The following KANSL3 variants were observed in gnomAD, a reference collection of about 807,000 sequenced individuals.
The protein encoded by KANSL3 is NSL complex protein NSL3.
Under a neutral mutation model 89.2 loss-of-function variants are expected in KANSL3, and 16 were observed. The observed-to-expected ratio is 0.18, with a 90% confidence interval of 0.12 to 0.27. KANSL3 has a LOEUF of 0.27. Ranked by LOEUF, KANSL3 falls within the 10% of genes least tolerant of loss-of-function variation. KANSL3 has a pLI of 1.00. For synonymous variants in KANSL3, 385 were observed against 419.7 expected, an observed-to-expected ratio of 0.92 and a Z score of 1.01; for missense variants, 879 against 1,110.6, an observed-to-expected ratio of 0.79 and a Z score of 2.96.
downstream of KANSL3, among the ~76,000 whole-genome samples, chr2:96,590,291 GTTTC>G (rs1015119565): frequency 1.1e-4 from 17 of 151,956 alleles, no homozygotes; most frequent in African/African-American, 3.4e-4. Context: ...AACAGTGGCA[GTTTC>G]TTTTTTTTTT....
At position 96,611,364 on chromosome 2, in the gene KANSL3, C is replaced by T. The variant is rs186016576; in HGVS notation, c.1087-226G>A. ...CTAGAGAACTGGGGCCCTAAGAGGA[C>T]CCCAGCAGGTGGCTGAACCATAGGA... On this transcript the variant is annotated intron_variant, in intron 9 of 20. Transcript: ENST00000431828. Among the ~76,000 whole-genome samples the T allele has an allele frequency of 5.9e-5, 9 of 152,278 alleles. No homozygotes were observed. The East Asian group carries it at 1.7e-3, about 29-fold the overall frequency.
At chr2:96,618,544 G>A (rs2070658837) in intron 5 of KANSL3, among the ~76,000 whole-genome samples, 1 of 152,170 alleles carries the variant, frequency 6.6e-6, no homozygotes, top group Non-Finnish European at 1.5e-5. Flanking sequence ...GAACCTATGA[G>A]GGTACTACTT....
intron 9 of KANSL3, among the ~76,000 whole-genome samples, chr2:96,611,931 GTGTGTGTA>G: frequency 6.6e-6 from 1 of 150,646 alleles, no homozygotes; most frequent in African/African-American, 2.5e-5. Flanking sequence ...GTGTGTGTGT[GTGTGTGTA>G]TGTGAAAATG....
the KANSL3 span, among the ~76,000 whole-genome samples, chr2:96,583,949 T>C: frequency 6.6e-6 from 1 of 152,222 alleles, no homozygotes; most frequent in East Asian, 1.9e-4. Flanking sequence ...AATATTGCAT[T>C]TTACTCATGA....
chr2:96,609,040 C>A lies in KANSL3; in HGVS notation c.1408G>T (p.Gly470Ter). The change falls in exon 13 of 21, where the codon GGA becomes TGA. Residue 470 changes from glycine (G) to a stop codon, truncating the protein, a stop_gained. Transcript: ENST00000431828. LOFTEE classifies it high-confidence loss of function. The part of the protein sequence containing the change: ...IQDEIVDFLT[G>*]VLTRAEGHMG... ...TGACCCTCAGCACGAGTGAGCACTC[C>A]AGTCAGAAAGTCCACAATCTCATCC... 1 of 1,561,814 alleles carries A rather than the reference C, an allele frequency of 6.4e-7. No homozygotes were observed. Among genetic ancestry groups the A allele is most frequent in the East Asian group, 2.4e-5 (1 of 41,904 alleles).
At position 96,637,203 on chromosome 2, in the gene KANSL3, AG is replaced by A; in HGVS notation, c.-50-19del. ...CTAGTCACCTGCAGTGAAAAGTTTC[AG>A]TTTAGGTCAATTCCAATATCCTAAA... On this transcript the variant is annotated intron_variant, in intron 1 of 20. Coordinates refer to ENST00000431828, the MANE Select transcript of KANSL3 (RefSeq NM_001115016.3). 9.9e-7 allele frequency: 1 copy of A among 1,014,258 alleles called. No homozygotes were observed. Among genetic ancestry groups the A allele is most frequent in the South Asian group, 1.5e-5 (1 of 65,344 alleles). 62.8% of individuals were successfully genotyped at this position (1,014,258 alleles called of 1,614,324 possible). A position where few individuals can be genotyped will look rare whatever the true frequency, so the allele number is the denominator to read the frequency against.
chr2:96,590,454 G>A (rs1186408781), downstream of KANSL3, among the ~76,000 whole-genome samples: 3 of 151,628 alleles, frequency 2.0e-5, no homozygotes, highest in Non-Finnish European at 2.9e-5. Flanking sequence ...CATGACACCC[G>A]GCTAATTTGT....
intron 3 of KANSL3, chr2:96,628,046 G>A (rs2072713392): frequency 1.6e-6 from 2 of 1,290,298 alleles, no homozygotes; most frequent in Non-Finnish European, 1.0e-6. Context: ...GTGGCAATGT[G>A]GCAATGTCAT....
intron 14 of KANSL3, among the ~76,000 whole-genome samples, chr2:96,608,305 A>G (rs2068317221): frequency 6.6e-6 from 1 of 152,206 alleles, no homozygotes; most frequent in Non-Finnish European, 1.5e-5. Context: ...AGCTATAACT[A>G]GTGATCACAA....
intron 3 of KANSL3, among the ~76,000 whole-genome samples, chr2:96,630,515 G>A (rs1479965889): frequency 6.6e-6 from 1 of 152,218 alleles, no homozygotes; most frequent in Non-Finnish European, 1.5e-5. Flanking sequence ...CTAGGGACCA[G>A]AGAAGCTGGG....
chr2:96,601,783 TAAAG>T lies in KANSL3; in HGVS notation c.2483-11_2483-8del. The T allele has an allele frequency of 1.3e-6, 2 of 1,549,096 alleles. No homozygotes were observed. Among genetic ancestry groups the T allele is most frequent in the South Asian group, 2.4e-5 (2 of 81,738 alleles). ...GTGGTGGGGACCTTCAAGCCTGAGA[TAAAG>T]AGAGAGAAGCAGAATTTTTGAGTCA... On this transcript the variant is annotated splice_polypyrimidine_tract_variant and splice_region_variant and intron_variant, in intron 19 of 20. Transcript: ENST00000431828.
chr2:96,614,711 T>C (rs1169600534), intron 5 of KANSL3, among the ~76,000 whole-genome samples: 10 of 146,944 alleles, frequency 6.8e-5, no homozygotes, highest in African/African-American at 2.5e-4. Flanking sequence ...GTGGAGGTTG[T>C]GGTGAGCCAA....
intron 5 of KANSL3, among the ~76,000 whole-genome samples, chr2:96,618,126 C>G (rs1278290364): frequency 6.6e-6 from 1 of 151,804 alleles, no homozygotes; most frequent in Non-Finnish European, 1.5e-5. Context: ...CCACTGCACT[C>G]CAGCCTGAGT....
At chr2:96,600,733 T>C (rs750716235) in intron 20 of KANSL3, 5 of 985,310 alleles carry the variant, frequency 5.1e-6, no homozygotes, top group Non-Finnish European at 6.0e-6. Flanking sequence ...TTAGAAATAT[T>C]TGACTTGAAA....
At chr2:96,638,086 C>T (rs1313408187) in intron 1 of KANSL3, 197 bp downstream of exon 1, 1 of 152,556 alleles carries the variant, frequency 6.6e-6, no homozygotes, top group Non-Finnish European at 1.5e-5. Context: ...GTCCGCGTCA[C>T]GGAGGCCCAG....
chr2:96,599,108 G>C (rs1558648235), intron 20 of KANSL3, among the ~76,000 whole-genome samples: 1 of 152,036 alleles, frequency 6.6e-6, no homozygotes, highest in Non-Finnish European at 1.5e-5. Context: ...GGCCAGCGTA[G>C]GATAGACAAA....
Position 96,609,483 on chromosome 2 carries a change from C to CA in KANSL3, c.1383+15dup, listed in dbSNP as rs751368141. 1.2e-6 allele frequency: 2 copies of CA among 1,612,574 alleles called. No individual in the cohort carries two copies. The highest frequency in any genetic ancestry group is 2.2e-5 in the South Asian group (2 of 91,034). ...GGCAAGCCTAGCTGAGAAAAGCACA[C>CA]AAAACAACTGTTTACCTGAATACAT... On this transcript the variant is annotated intron_variant, in intron 12 of 20. Coordinates refer to ENST00000431828, the MANE Select transcript of KANSL3 (RefSeq NM_001115016.3).
intron 3 of KANSL3, among the ~76,000 whole-genome samples, chr2:96,629,515 T>G (rs1222419968): frequency 6.6e-6 from 1 of 152,020 alleles, no homozygotes; most frequent in Non-Finnish European, 1.5e-5. Flanking sequence ...AGAGACAGAG[T>G]TTCTCCATGT....
At chr2:96,629,675 T>C (rs1429876727) in intron 3 of KANSL3, among the ~76,000 whole-genome samples, 3 of 152,324 alleles carry the variant, frequency 2.0e-5, no homozygotes, top group East Asian at 3.9e-4. Context: ...ACAAGCTTTT[T>C]CAACCAAGGT....
Sources: gnomAD v4.1 joint callset for allele counts (sites outside exome capture counted in the v4.1 genomes callset) on GRCh38, gnomAD v4.1.1 for gene constraint, MANE v1.5 for transcripts, NCBI Gene and HGNC (gene_info 2026-07-23, HGNC 2026-07-21) for gene names.